The following PDE6B variants were observed in gnomAD, a reference collection of about 807,000 sequenced individuals.
PDE6B encodes the protein rod cGMP-specific 3',5'-cyclic phosphodiesterase subunit beta.
PDE6B carries 106 observed loss-of-function variants against 109.0 expected under a neutral mutation model. The ratio of observed to expected loss-of-function variants is 0.97; its 90% confidence interval spans 0.83 to 1.14. The LOEUF (loss-of-function observed/expected upper bound fraction) is 1.14. Ranked by LOEUF, PDE6B falls within the 50% of genes most tolerant of loss-of-function variation. PDE6B has a pLI of 0.00. For synonymous variants in PDE6B, 490 were observed against 471.3 expected (o/e 1.04, Z -0.51); for missense variants, 1,193 against 1,155.6 (o/e 1.03, Z -0.47).
chr4:665,539 C>T lies in PDE6B; in HGVS notation c.2268+210C>T, dbSNP rs377431037. Reference sequence around the variant, plus strand: ...TTGGGTGATGCTTATGCAGAGGTGACGTCGTTGGCACTGGAGGAACCAGGG... The same window carrying T: ...TTGGGTGATGCTTATGCAGAGGTGATGTCGTTGGCACTGGAGGAACCAGGG... On this transcript the variant is annotated intron_variant, in intron 19 of 21. Transcript: ENST00000496514. This position sits in a 1 kb window ranked among gnomAD's most constrained non-coding sequence, Gnocchi z 4.0. Among the ~76,000 whole-genome samples the T allele has an allele frequency of 3.5e-3, 533 of 152,234 alleles. 4 individuals are homozygous for T. The highest frequency in any genetic ancestry group is 0.012 in the African/African-American group (498 of 41,528).
chr4:658,567 A>G (rs892478448), intron 10 of PDE6B, among the ~76,000 whole-genome samples: 15 of 152,036 alleles, frequency 9.9e-5, no homozygotes, highest in Non-Finnish European at 2.9e-5. Flanking sequence ...TGTGGTGGGG[A>G]CACGGCCCTG....
At chr4:630,547 G>A (rs975187416) in intron 1 of PDE6B, among the ~76,000 whole-genome samples, 24 of 152,228 alleles carry the variant, frequency 1.6e-4, no homozygotes, top group African/African-American at 5.8e-4. Flanking sequence ...TGTTAGGGAA[G>A]CTGAGGAGGG....
chr4:633,927 C>T lies in PDE6B; in HGVS notation c.469-750C>T, dbSNP rs1479095840. 6.6e-6 allele frequency among the ~76,000 whole-genome samples: 1 copy of T among 152,086 alleles called. No individual in the cohort carries two copies. The highest frequency in any genetic ancestry group is 2.4e-5 in the African/African-American group (1 of 41,424). ...TGAGGCAGAGCTCAGCTGACCTGTT[C>T]CTTGAGGGGCCGGAACCTAAGAGCC... On this transcript the variant is annotated intron_variant, in intron 1 of 21. Transcript: ENST00000496514. This position sits in a 1 kb window ranked among gnomAD's most constrained non-coding sequence, Gnocchi z 4.5.
In PDE6B at chr4:629,565, C is replaced by T. The variant is rs975403418; in HGVS notation, c.468+3471C>T. 5.2e-5 allele frequency among the ~76,000 whole-genome samples: 8 copies of T among 152,384 alleles called. No homozygotes were observed. The South Asian group carries it at 1.4e-3, about 28-fold the overall frequency. On this transcript the variant is annotated intron_variant, in intron 1 of 21. Transcript: ENST00000496514. ...GGGAACCCATCCCAAAGGCCCGTCC[C>T]GGGACCCTGGTGGGTCCCCTGCCCC...
intron 21 of PDE6B, among the ~76,000 whole-genome samples, chr4:668,482 C>T (rs375126496): frequency 0.066 from 6,494 of 97,852 alleles, 251 homozygotes; most frequent in African/African-American, 0.11. Context: ...CCCCATGCTG[C>T]TCCCACTACC....
rs3891250 is a variant in PDE6B at position 664,515 on chromosome 4, G to T, written c.2129+294G>T. ...CCTGTAAAATGGTGATTCACAACCA[G>T]CCCCTCCCCAGGCTGGTCCCAGGGA... On this transcript the variant is annotated intron_variant, in intron 17 of 21. Coordinates refer to ENST00000496514, the MANE Select transcript of PDE6B (RefSeq NM_000283.4). Among the ~76,000 whole-genome samples the T allele has an allele frequency of 0.19, 28,671 of 151,998 alleles. 3,178 individuals carry two copies. The highest frequency in any genetic ancestry group is 0.3 in the African/African-American group (12,544 of 41,414).
Position 667,856 on chromosome 4 carries a change from G to T in PDE6B, c.2353G>T (p.Glu785Ter). 6.2e-7 allele frequency: 1 copy of T among 1,612,938 alleles called. No individual in the cohort carries two copies. The highest frequency in any genetic ancestry group is 8.5e-7 in the Non-Finnish European group (1 of 1,179,384). ...IDFVCTFVYK[E>*]FSRFHEEILP... ...GTGGTGACTTCTCGACTCCCCTCAG[G>T]AGTTCTCTCGTTTCCACGAAGAGAT... is the stretch of plus-strand genomic sequence containing the variant. Residue 785 changes from glutamate (E) to a stop codon, truncating the protein, a stop_gained and splice_region_variant, in exon 21 of 22, where the codon GAG becomes TAG. Transcript: ENST00000496514. LOFTEE classifies it high-confidence loss of function.
At position 626,002 on chromosome 4, in the gene PDE6B, C is replaced by T. The variant is rs1200186277; in HGVS notation, c.376C>T (p.Pro126Ser). Residue 126 changes from proline (P) to serine (S), a missense_variant, in exon 1 of 22, where the codon CCC (proline) becomes TCC (serine). Pro to Ser is a moderately conservative substitution (Grantham distance 74, BLOSUM62 -1). Transcript: ENST00000496514. This position sits in a 1 kb window ranked among gnomAD's most constrained non-coding sequence, Gnocchi z 4.6. Reference sequence around the variant, plus strand: ...CGTCCTGGAGGACTGCCTGGTGCCCCCCGACTCCGAGATCGTCTTCCCACT... The same window carrying T: ...CGTCCTGGAGGACTGCCTGGTGCCCTCCGACTCCGAGATCGTCTTCCCACT... ...DSVLEDCLVP[P>S]DSEIVFPLDI... The T allele has an allele frequency of 3.8e-6, 6 of 1,584,938 alleles. No homozygotes were observed. The highest frequency in any genetic ancestry group is 1.3e-5 in the African/African-American group (1 of 74,456).
Position 664,117 on chromosome 4 carries a change from G to C in PDE6B, c.2025G>C (p.Lys675Asn). 6.2e-7 allele frequency: 1 copy of C among 1,602,610 alleles called. No individual in the cohort carries two copies. The change falls in exon 17 of 22, where the codon AAG (lysine) becomes AAC (asparagine). Residue 675 changes from lysine (K) to asparagine (N), a missense_variant. Physicochemically the swap from Lys to Asn is moderately conservative, Grantham distance 94. Coordinates refer to ENST00000496514, the MANE Select transcript of PDE6B (RefSeq NM_000283.4). ...IATDLALYFK[K>N]RAMFQKIVDE... ...CTCCCTTGTTCCCTGGGTTCAGGAA[G>C]AGAGCGATGTTTCAGAAGATCGTGG... is the stretch of plus-strand genomic sequence containing the variant.
At position 644,027 on chromosome 4, in the gene PDE6B, TC is replaced by T. The variant is rs548136595; in HGVS notation, c.711+8060del. Among the ~76,000 whole-genome samples, 32 of 149,120 alleles carry T rather than the reference TC, an allele frequency of 2.1e-4. No homozygotes were observed. In the East Asian group the frequency reaches 5.7e-3, roughly 27 times the overall value. On this transcript the variant is annotated intron_variant, in intron 3 of 21. Transcript: ENST00000496514. ...TCCACCTCCCGGGTTCATGCCATTC[TC>T]CTGCCTCAGCCTCCCGAGTAGCTGG...
At chr4:632,734 T>C (rs1734453987) in intron 1 of PDE6B, among the ~76,000 whole-genome samples, 1 of 150,888 alleles carries the variant, frequency 6.6e-6, no homozygotes, top group Non-Finnish European at 1.5e-5. Flanking sequence ...GCACCATCTC[T>C]GGATCACGTT....
chr4:662,429 G>A lies in PDE6B; in HGVS notation c.1723-80G>A, dbSNP rs1737217535. On this transcript the variant is annotated intron_variant, in intron 13 of 21. Transcript: ENST00000496514. This position sits in a 1 kb window ranked among gnomAD's most constrained non-coding sequence, Gnocchi z 4.3. ...TCGGAGGTCCAACCTCCAACCCGAC[G>A]CCTAGGTCATCCCAACCCCTCACCA... The A allele has an allele frequency of 9.6e-6, 10 of 1,037,582 alleles. No individual in the cohort carries two copies. Among genetic ancestry groups the A allele is most frequent in the East Asian group, 2.4e-5 (1 of 41,082 alleles). The allele number at this position is 1,037,582 out of a possible 1,614,324, so 64.3% of individuals were successfully genotyped here. A position where few individuals can be genotyped will look rare whatever the true frequency, so the allele number is the denominator to read the frequency against.
intron 3 of PDE6B, among the ~76,000 whole-genome samples, chr4:649,712 G>A (rs755937656): frequency 2.6e-5 from 4 of 152,108 alleles, no homozygotes; most frequent in Non-Finnish European, 5.9e-5. Flanking sequence ...AGGCCTGAGC[G>A]CTTGCCTCCC....
At chr4:658,706 T>C (rs1736669493) in intron 10 of PDE6B, among the ~76,000 whole-genome samples, 1 of 152,102 alleles carries the variant, frequency 6.6e-6, no homozygotes, top group South Asian at 2.1e-4. Context: ...CTGGTCATCA[T>C]GAGAGAGTCC....
chr4:663,963 G>T lies in PDE6B; in HGVS notation c.2021+93G>T, dbSNP rs1737462104. The T allele has an allele frequency of 2.1e-5, 23 of 1,117,758 alleles. No individual in the cohort carries two copies. Among genetic ancestry groups the T allele is most frequent in the Non-Finnish European group, 2.9e-5 (22 of 760,634 alleles). The allele number at this position is 1,117,758 out of a possible 1,614,324, so 69.2% of individuals were successfully genotyped here. A position where few individuals can be genotyped will look rare whatever the true frequency, so the allele number is the denominator to read the frequency against. On this transcript the variant is annotated intron_variant, in intron 16 of 21. Coordinates refer to ENST00000496514, the MANE Select transcript of PDE6B (RefSeq NM_000283.4). This position sits in a 1 kb window ranked among gnomAD's most constrained non-coding sequence, Gnocchi z 4.0. ...GGGGCGCAGCGGCGGCACAGCCCGG[G>T]GGACGCAGCCCCGGATTCCGTCCCT...
rs1209956512 is a variant in PDE6B at position 665,887 on chromosome 4, G to A, written c.2268+558G>A. Among the ~76,000 whole-genome samples the A allele has an allele frequency of 6.6e-6, 1 of 152,170 alleles. No homozygotes were observed. Reference sequence around the variant, plus strand: ...TGGTTTCTCACACACCCGCTCTGGTGGGCGGCGAGGGGCTCTCTGGAGCCT... The same window carrying A: ...TGGTTTCTCACACACCCGCTCTGGTAGGCGGCGAGGGGCTCTCTGGAGCCT... On this transcript the variant is annotated intron_variant, in intron 19 of 21. Coordinates refer to ENST00000496514, the MANE Select transcript of PDE6B (RefSeq NM_000283.4). This position sits in a 1 kb window ranked among gnomAD's most constrained non-coding sequence, Gnocchi z 4.0.
At chr4:654,990 GT>G in intron 6 of PDE6B, 102 bp downstream of exon 6, 1 of 810,966 alleles carries the variant, frequency 1.2e-6, no homozygotes, top group Non-Finnish European at 2.2e-6. Flanking sequence ...CCACGGTGCA[GT>G]CAGCAGCACC....
rs528554393 is a variant in PDE6B at position 632,362 on chromosome 4, C to T, written c.469-2315C>T. ...GATCACATGTGGATCCATGAGGCAC[C>T]GTCTGAGGATCATGTTGTGTGGATC... On this transcript the variant is annotated intron_variant, in intron 1 of 21. Transcript: ENST00000496514. Among the ~76,000 whole-genome samples the T allele has an allele frequency of 3.2e-3, 480 of 151,632 alleles. 1 individual carries two copies. Among genetic ancestry groups the T allele is most frequent in the Non-Finnish European group, 4.1e-3 (279 of 67,902 alleles).
chr4:651,675 C>T (rs923609192), intron 3 of PDE6B: 1 of 148,944 alleles, frequency 6.7e-6, no homozygotes, highest in African/African-American at 2.5e-5. Context: ...GGAGCCGTCT[C>T]CATTCAGCAG....
Sources: allele counts gnomAD v4.1 joint callset (sites outside exome capture counted in the v4.1 genomes callset), GRCh38; gene constraint gnomAD v4.1.1; non-coding constraint Gnocchi (gnomAD v3.1); transcripts MANE v1.5; gene names NCBI Gene and HGNC (gene_info 2026-07-23, HGNC 2026-07-21).